Variants in WDPCP observed in about 807,000 individuals in gnomAD.
WDPCP encodes WD repeat-containing and planar cell polarity effector protein fritz homolog.
In WDPCP, 71 loss-of-function variants were observed where a neutral mutation model predicts 93.1. The ratio of observed to expected loss-of-function variants is 0.76; its 90% confidence interval spans 0.63 to 0.93. The LOEUF is 0.93. WDPCP is among the 40% of genes least tolerant of loss of function. The pLI is 0.00. For missense variants in WDPCP, 844 were observed against 887.4 expected, an observed-to-expected ratio of 0.95 and a Z score of 0.62; for synonymous variants, 315 against 315.0, an observed-to-expected ratio of 1.00 and a Z score of 0.00.
chr2:63,679,277 A>G (rs1710460640), intron 2 of WDPCP, among the ~76,000 whole-genome samples: 1 of 151,162 alleles, frequency 6.6e-6, no homozygotes, highest in African/African-American at 2.4e-5. Flanking sequence ...TCAAGTTCCT[A>G]TATGGGCTCC....
chr2:63,633,900 A>G (rs1575734990), intron 3 of WDPCP, among the ~76,000 whole-genome samples: 2 of 152,230 alleles, frequency 1.3e-5, no homozygotes, highest in South Asian at 4.1e-4. Context: ...TGTCTCTACT[A>G]AAAACACAAA....
intron 10 of WDPCP, among the ~76,000 whole-genome samples, chr2:63,392,485 T>G (rs1384943894): frequency 6.6e-6 from 1 of 152,134 alleles, no homozygotes; most frequent in Non-Finnish European, 1.5e-5. Flanking sequence ...GGCAAGGACT[T>G]CATGTCTAAA....
intron 10 of WDPCP, among the ~76,000 whole-genome samples, chr2:63,392,452 A>T (rs1476955837): frequency 6.6e-6 from 1 of 152,208 alleles, no homozygotes; most frequent in South Asian, 2.1e-4. Flanking sequence ...AACCTAGGCA[A>T]TACCATTCAG....
At chr2:63,515,865 C>A (rs973165387) in intron 1 of WDPCP, among the ~76,000 whole-genome samples, 1 of 152,008 alleles carries the variant, frequency 6.6e-6, no homozygotes, top group Non-Finnish European at 1.5e-5. Context: ...ACTAAAAATA[C>A]AAAAATTAGC....
At chr2:63,526,450 T>A (rs1319005978) in intron 1 of WDPCP, among the ~76,000 whole-genome samples, 2 of 152,202 alleles carry the variant, frequency 1.3e-5, no homozygotes, top group Non-Finnish European at 2.9e-5. Context: ...CTAAAATATT[T>A]GTAAATTAAG....
intron 2 of WDPCP, among the ~76,000 whole-genome samples, chr2:63,685,665 A>G (rs904661478): frequency 1.3e-5 from 2 of 152,244 alleles, no homozygotes; most frequent in African/African-American, 4.8e-5. Context: ...AGAAAACTAC[A>G]GGCCAATATC....
At chr2:63,805,579 A>T (rs1237331468) in intron 2 of WDPCP, among the ~76,000 whole-genome samples, 1 of 152,160 alleles carries the variant, frequency 6.6e-6, no homozygotes, top group Non-Finnish European at 1.5e-5. Flanking sequence ...TCAGCCACCA[A>T]CCAGGTGGAA....
intron 13 of WDPCP, among the ~76,000 whole-genome samples, chr2:63,284,939 A>G (rs533752027): frequency 6.6e-6 from 1 of 152,374 alleles, no homozygotes; most frequent in South Asian, 2.1e-4. Context: ...AAAAAAATTT[A>G]AAAATGAAGT....
chr2:63,724,224 C>T (rs887024470), intron 2 of WDPCP, among the ~76,000 whole-genome samples: 1 of 152,082 alleles, frequency 6.6e-6, no homozygotes, highest in Non-Finnish European at 1.5e-5. Flanking sequence ...CTACCTTTAA[C>T]AACAGAACAA....
chr2:63,523,513 T>C (rs759512655), intron 1 of WDPCP, among the ~76,000 whole-genome samples: 11 of 152,158 alleles, frequency 7.2e-5, no homozygotes, highest in Non-Finnish European at 1.5e-4. Flanking sequence ...GAAGTCAAAA[T>C]ATTCCTGTTG....
intron 6 of WDPCP, among the ~76,000 whole-genome samples, chr2:63,446,227 CG>C (rs1697852027): frequency 6.6e-6 from 1 of 152,158 alleles, no homozygotes; most frequent in South Asian, 2.1e-4. Flanking sequence ...TGTTAGCAAC[CG>C]GGCCACACAG....
chr2:63,237,668 C>G (rs61271282), intron 14 of WDPCP, among the ~76,000 whole-genome samples: 2,893 of 152,184 alleles, frequency 0.019, 101 homozygotes, highest in African/African-American at 0.066. Flanking sequence ...GAAATCATGT[C>G]CTTTGCAGCA....
chr2:63,434,077 A>C, intron 8 of WDPCP, 141 bp from the exon 9 acceptor site: 1 of 807,396 alleles, frequency 1.2e-6, no homozygotes, highest in Non-Finnish European at 1.9e-6. Context: ...AGAAGGTGTC[A>C]GAATTTACCA....
At chr2:63,645,936 T>G (rs1710042939) in intron 3 of WDPCP, among the ~76,000 whole-genome samples, 1 of 152,178 alleles carries the variant, frequency 6.6e-6, no homozygotes, top group African/African-American at 2.4e-5. Context: ...GATCACTGGT[T>G]CTTGTTTTTC....
intron 1 of WDPCP, chr2:63,571,363 C>G: frequency 2.2e-6 from 1 of 458,158 alleles, no homozygotes; most frequent in Non-Finnish European, 4.4e-6. Flanking sequence ...ATATATTTAC[C>G]CATATACTTA....
intron 13 of WDPCP, among the ~76,000 whole-genome samples, chr2:63,284,986 A>G (rs10173637): frequency 0.81 from 123,457 of 152,110 alleles, 50,862 homozygotes; most frequent in East Asian, 0.96. Context: ...AAATTGGAAT[A>G]CCAAACAAAA....
At chr2:63,199,618 A>C (rs62177762) in intron 14 of WDPCP, among the ~76,000 whole-genome samples, 30,242 of 152,208 alleles carry the variant, frequency 0.2, 3,911 homozygotes, top group Non-Finnish European at 0.3. Flanking sequence ...TGGGAACGTC[A>C]GCCTACATTT....
intron 2 of WDPCP, among the ~76,000 whole-genome samples, chr2:63,672,430 CAT>C (rs201991149): frequency 0.01 from 1,530 of 152,222 alleles, 15 homozygotes; most frequent in Non-Finnish European, 0.016. Context: ...GGGAAATTGT[CAT>C]AGAAATATTT....
In WDPCP at chr2:63,273,559, C is replaced by T. The variant is rs115235501; in HGVS notation, c.1813-14150G>A. 8.0e-3 allele frequency among the ~76,000 whole-genome samples: 1,219 copies of T among 151,988 alleles called. 17 individuals carry two copies. The highest frequency in any genetic ancestry group is 0.029 in the African/African-American group (1,188 of 41,468). Reference sequence around the variant, plus strand: ...CTTGAATGTATTAAAAAGACATGACCCAACTATATGCTTCCTATAAGACAC... The same window carrying T: ...CTTGAATGTATTAAAAAGACATGACTCAACTATATGCTTCCTATAAGACAC... On this transcript the variant is annotated intron_variant, in intron 13 of 17. Coordinates refer to ENST00000272321, the MANE Select transcript of WDPCP (RefSeq NM_015910.7).
Sources: allele counts gnomAD v4.1 joint callset (sites outside exome capture counted in the v4.1 genomes callset), GRCh38; gene constraint gnomAD v4.1.1; transcripts MANE v1.5; gene names NCBI Gene and HGNC (gene_info 2026-07-23, HGNC 2026-07-21).